CADM2: variants seen among roughly 807,000 people sequenced by gnomAD.
CADM2 encodes the protein cell adhesion molecule 2.
CADM2 carries 12 observed loss-of-function variants against 49.8 expected under a neutral mutation model. The observed-to-expected ratio is 0.24, with a 90% confidence interval of 0.15 to 0.39. The LOEUF (loss-of-function observed/expected upper bound fraction) is 0.39. CADM2 is among the 10% of genes least tolerant of loss of function. The pLI is 1.00. For synonymous variants in CADM2, 214 were observed against 175.4 expected, an observed-to-expected ratio of 1.22 and a Z score of -1.74; for missense variants, 378 against 492.3, an observed-to-expected ratio of 0.77 and a Z score of 2.20.
chr3:85,602,046 A>C, intron 1 of CADM2, among the ~76,000 whole-genome samples: 1 of 151,982 alleles, frequency 6.6e-6, no homozygotes, highest in Admixed American at 6.6e-5. Flanking sequence ...ATTGTAATTT[A>C]AACTTTCACT....
intron 1 of CADM2, among the ~76,000 whole-genome samples, chr3:85,548,294 C>T (rs915632612): frequency 6.9e-5 from 4 of 57,806 alleles, no homozygotes; most frequent in Non-Finnish European, 1.7e-4. Flanking sequence ...ACTTATTTCA[C>T]GTTCTTTCAT....
chr3:85,850,376 G>A (rs1326111515), intron 3 of CADM2, among the ~76,000 whole-genome samples: 3 of 143,438 alleles, frequency 2.1e-5, no homozygotes, highest in East Asian at 4.1e-4. Context: ...CCAGGCTGGA[G>A]AGCAGTGGCG....
intron 1 of CADM2, among the ~76,000 whole-genome samples, chr3:85,170,495 C>T (rs1311467115): frequency 1.3e-5 from 2 of 151,948 alleles, no homozygotes; most frequent in Non-Finnish European, 2.9e-5. Flanking sequence ...CCCGCCACCA[C>T]GCCCGGCTAA....
At chr3:85,433,654 A>G (rs2036791539) in intron 1 of CADM2, among the ~76,000 whole-genome samples, 1 of 152,134 alleles carries the variant, frequency 6.6e-6, no homozygotes, top group Non-Finnish European at 1.5e-5. Flanking sequence ...TCTGATTTGC[A>G]TATTGCCCCG....
intron 2 of CADM2, among the ~76,000 whole-genome samples, chr3:85,727,021 A>G (rs938664004): frequency 2.0e-5 from 3 of 152,072 alleles, no homozygotes; most frequent in African/African-American, 7.2e-5. Context: ...TTTTAGTTGC[A>G]TTGTTTGACT....
chr3:85,416,288 T>A (rs1432520353), intron 1 of CADM2, among the ~76,000 whole-genome samples: 1 of 152,176 alleles, frequency 6.6e-6, no homozygotes. Context: ...CTGATCTCTC[T>A]TATTCTTTTG....
chr3:85,986,854 G>A (rs1577870559), intron 8 of CADM2, among the ~76,000 whole-genome samples: 1 of 152,174 alleles, frequency 6.6e-6, no homozygotes, highest in African/African-American at 2.4e-5. Flanking sequence ...GCTGCAGGCA[G>A]GATGTGGGTA....
chr3:85,769,657 A>G (rs888318087), intron 2 of CADM2, among the ~76,000 whole-genome samples: 4 of 137,100 alleles, frequency 2.9e-5, no homozygotes, highest in African/African-American at 1.0e-4. Context: ...ATATACATAT[A>G]TAGTATATAT....
intron 1 of CADM2, among the ~76,000 whole-genome samples, chr3:85,252,922 T>C (rs1489054117): frequency 6.6e-6 from 1 of 152,052 alleles, no homozygotes; most frequent in Non-Finnish European, 1.5e-5. Flanking sequence ...AACAGAACTT[T>C]GCAAATTGTA....
chr3:85,807,314 C>T (rs906225862), intron 3 of CADM2, among the ~76,000 whole-genome samples: 10 of 151,894 alleles, frequency 6.6e-5, no homozygotes, highest in African/African-American at 2.2e-4. Context: ...GCCTGGCCAA[C>T]GTGACGAAAA....
At chr3:85,973,698 C>G (rs1020781006) in intron 8 of CADM2, among the ~76,000 whole-genome samples, 2 of 151,692 alleles carry the variant, frequency 1.3e-5, no homozygotes, top group Non-Finnish European at 2.9e-5. Flanking sequence ...TAACATCGCA[C>G]ATTTTTAATT....
At chr3:85,080,185 T>C (rs2037110807) in intron 1 of CADM2, among the ~76,000 whole-genome samples, 1 of 152,016 alleles carries the variant, frequency 6.6e-6, no homozygotes, top group Admixed American at 6.6e-5. Context: ...GTCGGTTCTG[T>C]AGCTGGTCAG....
chr3:85,203,558 A>C (rs1346477083), intron 1 of CADM2, among the ~76,000 whole-genome samples: 1 of 152,176 alleles, frequency 6.6e-6, no homozygotes, highest in African/African-American at 2.4e-5. Flanking sequence ...AACAATGAAA[A>C]CATTTGAAAT....
In CADM2 at chr3:84,959,400, T is replaced by C. The variant is rs2030218313; in HGVS notation, c.-208T>C. The C allele has an allele frequency of 3.4e-6, 2 of 582,284 alleles. No homozygotes were observed. Among genetic ancestry groups the C allele is most frequent in the Non-Finnish European group, 6.1e-6 (2 of 327,508 alleles). The allele number at this position is 582,284 out of a possible 1,614,324, so 36.1% of individuals were successfully genotyped here. A position where few individuals can be genotyped will look rare whatever the true frequency, so the allele number is the denominator to read the frequency against. ...AGGAGGAGGAGGAGAAGAAACTATT[T>C]CGCGATACCCCATTCTGCGGGTGCT... On this transcript the variant is annotated 5_prime_UTR_variant, in exon 1 of 10. Transcript: ENST00000383699.
chr3:85,165,302 A>T (rs901926615), intron 1 of CADM2, among the ~76,000 whole-genome samples: 2 of 151,978 alleles, frequency 1.3e-5, no homozygotes, highest in African/African-American at 4.8e-5. Flanking sequence ...AAGCAAAATT[A>T]ACCTTATTGT....
intron 1 of CADM2, among the ~76,000 whole-genome samples, chr3:85,671,484 T>A (rs892925926): frequency 6.6e-6 from 1 of 152,228 alleles, no homozygotes; most frequent in Non-Finnish European, 1.5e-5. Context: ...CTGTTTTAAA[T>A]ATATACATGG....
chr3:85,000,533 C>G (rs1351659472), intron 1 of CADM2, among the ~76,000 whole-genome samples: 1 of 151,974 alleles, frequency 6.6e-6, no homozygotes, highest in Non-Finnish European at 1.5e-5. Flanking sequence ...CTTTTTAATA[C>G]TAGTTTTATA....
chr3:85,440,363 T>A (rs1001852720), intron 1 of CADM2, among the ~76,000 whole-genome samples: 8 of 152,186 alleles, frequency 5.3e-5, no homozygotes, highest in Admixed American at 3.3e-4. Flanking sequence ...CAGCCTTAGG[T>A]TTCCGACTGT....
At chr3:85,063,778 T>C (rs1218126708) in intron 1 of CADM2, among the ~76,000 whole-genome samples, 1 of 152,054 alleles carries the variant, frequency 6.6e-6, no homozygotes, top group Non-Finnish European at 1.5e-5. Flanking sequence ...GAGTTCCACC[T>C]TGACAAGCAG....
Sources: gnomAD v4.1 joint callset for allele counts (sites outside exome capture counted in the v4.1 genomes callset) on GRCh38, gnomAD v4.1.1 for gene constraint, MANE v1.5 for transcripts, NCBI Gene and HGNC (gene_info 2026-07-23, HGNC 2026-07-21) for gene names.